The following RRAS2 variants were observed in gnomAD, a reference collection of about 807,000 sequenced individuals.
The protein encoded by RRAS2 is RAS related 2.
A neutral mutation model predicts 27.6 loss-of-function variants in RRAS2; 7 were observed. That is an observed-to-expected ratio of 0.25 (90% CI 0.14 to 0.48). The LOEUF is 0.48. Among genes scored for constraint, RRAS2 ranks in the 20% least tolerant of loss-of-function variants. The pLI is 0.99. For missense variants in RRAS2, 178 were observed against 256.2 expected (o/e 0.69, Z 2.08); for synonymous variants, 86 against 90.9 (o/e 0.95, Z 0.31).
intron 1 of RRAS2, among the ~76,000 whole-genome samples, chr11:14,340,041 C>G (rs1249540003): frequency 6.6e-6 from 1 of 150,918 alleles, no homozygotes; most frequent in Non-Finnish European, 1.5e-5. Flanking sequence ...TTTGCTTGAG[C>G]CAGGGTTTGG....
chr11:14,325,880 C>T (rs918685636), intron 1 of RRAS2, among the ~76,000 whole-genome samples: 3 of 152,066 alleles, frequency 2.0e-5, no homozygotes, highest in African/African-American at 4.8e-5. Context: ...TGTAAAAACT[C>T]TAAGTATTAC....
intron 1 of RRAS2, among the ~76,000 whole-genome samples, chr11:14,298,063 T>C (rs1296264052): frequency 2.0e-5 from 3 of 150,560 alleles, no homozygotes; most frequent in Non-Finnish European, 4.4e-5. Flanking sequence ...CTTCAAAAAG[T>C]AAATAAATTT....
intron 1 of RRAS2, among the ~76,000 whole-genome samples, chr11:14,301,830 T>C (rs993512880): frequency 6.6e-6 from 1 of 151,794 alleles, no homozygotes; most frequent in Non-Finnish European, 1.5e-5. Flanking sequence ...AATATAAAAA[T>C]TAGCTGGGCG....
At chr11:14,336,010 A>G (rs1554952517) in intron 1 of RRAS2, among the ~76,000 whole-genome samples, 1 of 152,220 alleles carries the variant, frequency 6.6e-6, no homozygotes, top group African/African-American at 2.4e-5. Context: ...TCCCACACTC[A>G]AAAGGCTGTA....
chr11:14,349,706 AT>A (rs1158311465), intron 1 of RRAS2, among the ~76,000 whole-genome samples: 1 of 152,222 alleles, frequency 6.6e-6, no homozygotes, highest in Non-Finnish European at 1.5e-5. Flanking sequence ...AGTTAACTCT[AT>A]TAACTAGAGT....
upstream of RRAS2, among the ~76,000 whole-genome samples, chr11:14,362,315 A>G (rs1309495688): frequency 6.6e-6 from 1 of 152,170 alleles, no homozygotes; most frequent in East Asian, 1.9e-4. Context: ...TTTATACTTC[A>G]GAATGTTCCC....
intron 1 of RRAS2, among the ~76,000 whole-genome samples, chr11:14,340,451 C>G (rs188163973): frequency 1.3e-5 from 2 of 151,734 alleles, no homozygotes; most frequent in Admixed American, 1.3e-4. Context: ...TACCAAGAGC[C>G]CTTTACACAA....
chr11:14,317,033 T>C (rs886845161), intron 1 of RRAS2, among the ~76,000 whole-genome samples: 1 of 152,164 alleles, frequency 6.6e-6, no homozygotes, highest in African/African-American at 2.4e-5. Flanking sequence ...TTTTTTAATG[T>C]GTGCCTTAGA....
At chr11:14,286,258 T>C (rs964387303) in intron 4 of RRAS2, among the ~76,000 whole-genome samples, 22 of 152,334 alleles carry the variant, frequency 1.4e-4, no homozygotes, top group African/African-American at 4.3e-4. Context: ...TTTATATGTA[T>C]GGGAATTTCT....
At chr11:14,346,768 G>A (rs532730296) in intron 1 of RRAS2, among the ~76,000 whole-genome samples, 11 of 152,250 alleles carry the variant, frequency 7.2e-5, no homozygotes, top group South Asian at 4.1e-4. Context: ...GACATAGTAC[G>A]TATGTTAGCT....
chr11:14,363,994 C>T (rs868912021), upstream of RRAS2, among the ~76,000 whole-genome samples: 5 of 150,154 alleles, frequency 3.3e-5, no homozygotes, highest in Admixed American at 6.6e-5. Flanking sequence ...CGCTTGAACC[C>T]GGGAGGCGGA....
chr11:14,293,126 TATATA>T (rs1413599505), intron 4 of RRAS2, among the ~76,000 whole-genome samples: 1 of 39,938 alleles, frequency 2.5e-5, no homozygotes, highest in African/African-American at 7.4e-5. Flanking sequence ...ACAAAACAAA[TATATA>T]TATATATATA....
chr11:14,303,974 G>T (rs572612206), intron 1 of RRAS2, among the ~76,000 whole-genome samples: 20 of 152,236 alleles, frequency 1.3e-4, no homozygotes, highest in Admixed American at 5.2e-4. Flanking sequence ...GTTTCCATGG[G>T]TACCTTCCTC....
intron 1 of RRAS2, among the ~76,000 whole-genome samples, chr11:14,351,660 G>C (rs1179705773): frequency 1.3e-5 from 2 of 151,900 alleles, no homozygotes; most frequent in Non-Finnish European, 2.9e-5. Context: ...AGCCCGGGAG[G>C]TGGAGGTTGC....
At position 14,358,332 on chromosome 11, in the gene RRAS2, G is replaced by A. The variant is rs1488310848; in HGVS notation, c.108+431C>T. 2 of 985,466 alleles carry A rather than the reference G, an allele frequency of 2.0e-6. No homozygotes were observed. The highest frequency in any genetic ancestry group is 2.4e-6 in the Non-Finnish European group (2 of 830,062). 61.0% of individuals were successfully genotyped at this position (985,466 alleles called of 1,614,324 possible). A position where few individuals can be genotyped will look rare whatever the true frequency, so the allele number is the denominator to read the frequency against. ...GCGGAGCCGCGGCCAAGTTGCCACC[G>A]CTATCGCCCCGACGGTGAAGGCGCG... On this transcript the variant is annotated intron_variant, in intron 1 of 5. Coordinates refer to ENST00000256196, the MANE Select transcript of RRAS2 (RefSeq NM_012250.6). This position sits in a 1 kb window ranked among gnomAD's most constrained non-coding sequence, Gnocchi z 5.1.
At chr11:14,360,695 G>A (rs1248987698), upstream of RRAS2, among the ~76,000 whole-genome samples, 1 of 152,170 alleles carries the variant, frequency 6.6e-6, no homozygotes, top group Non-Finnish European at 1.5e-5. Context: ...GCCAAGGCGG[G>A]CGGATCGCTT....
At position 14,358,891 on chromosome 11, in the gene RRAS2, C is replaced by A; in HGVS notation, c.-21G>T. On this transcript the variant is annotated 5_prime_UTR_variant, in exon 1 of 6. Coordinates refer to ENST00000256196, the MANE Select transcript of RRAS2 (RefSeq NM_012250.6). This position sits in a 1 kb window ranked among gnomAD's most constrained non-coding sequence, Gnocchi z 5.1. ...GCCATGGGGACGCTACAGAGCCCAG[C>A]CTGACTGCGCCGAGCCGCCGCTGCC... 7.3e-7 allele frequency: 1 copy of A among 1,375,436 alleles called. No individual in the cohort carries two copies. The highest frequency in any genetic ancestry group is 9.5e-7 in the Non-Finnish European group (1 of 1,052,242). The allele number at this position is 1,375,436 out of a possible 1,614,324, so 85.2% of individuals were successfully genotyped here.
In RRAS2 at chr11:14,359,012, G is replaced by A. The variant is rs1401425483; in HGVS notation, c.-142C>T. 2 of 1,135,744 alleles carry A rather than the reference G, an allele frequency of 1.8e-6. No individual in the cohort carries two copies. Among genetic ancestry groups the A allele is most frequent in the Non-Finnish European group, 2.2e-6 (2 of 927,424 alleles). The allele number at this position is 1,135,744 out of a possible 1,614,324, so 70.4% of individuals were successfully genotyped here. A position where few individuals can be genotyped will look rare whatever the true frequency, so the allele number is the denominator to read the frequency against. On this transcript the variant is annotated 5_prime_UTR_variant, in exon 1 of 6. Transcript: ENST00000256196. ...CCGGGTACCGGGAGGCGTCTGGAGG[G>A]CCGGTCAGCGCGGTAGCGCGGCGCT...
intron 1 of RRAS2, among the ~76,000 whole-genome samples, chr11:14,329,045 A>C: frequency 6.8e-6 from 1 of 146,118 alleles, no homozygotes; most frequent in Non-Finnish European, 1.5e-5. Context: ...ACACATATAT[A>C]TGTATATACA....
Sources: gnomAD v4.1 joint callset for allele counts (sites outside exome capture counted in the v4.1 genomes callset) on GRCh38, gnomAD v4.1.1 for gene constraint, Gnocchi (gnomAD v3.1) non-coding constraint, MANE v1.5 for transcripts, NCBI Gene and HGNC (gene_info 2026-07-23, HGNC 2026-07-21) for gene names.